GIMAP1: variants seen among roughly 807,000 people sequenced by gnomAD.
GIMAP1 encodes the protein GTPase IMAP family member 1.
For missense variants in GIMAP1, 423 were observed against 411.9 expected, an observed-to-expected ratio of 1.03 and a Z score of -0.23; for synonymous variants, 230 against 187.7, an observed-to-expected ratio of 1.23 and a Z score of -1.84.
Position 150,720,683 on chromosome 7 carries a change from C to G in GIMAP1, c.679C>G (p.Leu227Val). ...CCATTACTCCAACGAGGTGTATGAG[C>G]TGGCGCAGGTGCTGCGCTGGGCAGG... is the stretch of plus-strand genomic sequence containing the variant. The part of the protein sequence containing the change: ...GAHYSNEVYE[L>V]AQVLRWAGPE... The change falls in exon 3 of 3, where the codon CTG (leucine) becomes GTG (valine). Residue 227 changes from leucine (L) to valine (V), a missense_variant. Physicochemically the swap from Leu to Val is conservative, Grantham distance 32. Transcript: ENST00000307194. This position sits in a 1 kb window ranked among gnomAD's most constrained non-coding sequence, Gnocchi z 4.5. The G allele has an allele frequency of 6.3e-7, 1 of 1,596,520 alleles. No homozygotes were observed. The highest frequency in any genetic ancestry group is 8.5e-7 in the Non-Finnish European group (1 of 1,171,374).
rs1797340913 is a variant in GIMAP1, at chr7:150,723,734, A to G, written c.*2809A>G. Reference sequence around the variant, plus strand: ...TCCTGTTGGAAAAACTTGCTTGCTAATTTTAACCAGACACAGTAAAAATAC... The same window carrying G: ...TCCTGTTGGAAAAACTTGCTTGCTAGTTTTAACCAGACACAGTAAAAATAC... On this transcript the variant is annotated 3_prime_UTR_variant, in exon 3 of 3. Coordinates refer to ENST00000307194, the MANE Select transcript of GIMAP1 (RefSeq NM_130759.4). The G allele has an allele frequency of 6.6e-6, 1 of 152,180 alleles. No homozygotes were observed. The highest frequency in any genetic ancestry group is 2.4e-5 in the African/African-American group (1 of 41,440). 9.4% of individuals were successfully genotyped at this position (152,180 alleles called of 1,614,324 possible). A position where few individuals can be genotyped will look rare whatever the true frequency, so the allele number is the denominator to read the frequency against.
In GIMAP1 at chr7:150,720,031, A is replaced by G; in HGVS notation, c.44-17A>G. ...GTTGGTTAAACTTAAGTAAGATTAT[A>G]ACACTTGGTCTCACAGGTTTAGAAG... On this transcript the variant is annotated splice_polypyrimidine_tract_variant and intron_variant, in intron 2 of 2. Coordinates refer to ENST00000307194, the MANE Select transcript of GIMAP1 (RefSeq NM_130759.4). This position sits in a 1 kb window ranked among gnomAD's most constrained non-coding sequence, Gnocchi z 4.5. 1.3e-6 allele frequency: 2 copies of G among 1,547,676 alleles called. No homozygotes were observed. The highest frequency in any genetic ancestry group is 8.7e-7 in the Non-Finnish European group (1 of 1,145,910).
chr7:150,718,559 C>T (rs1186473657), intron 1 of GIMAP1, among the ~76,000 whole-genome samples: 4 of 152,152 alleles, frequency 2.6e-5, no homozygotes, highest in East Asian at 3.9e-4. Context: ...GCTGCTGAAT[C>T]CCCTGATATC....
At chr7:150,716,917 G>A (rs1174268121) in intron 1 of GIMAP1, among the ~76,000 whole-genome samples, 1 of 152,024 alleles carries the variant, frequency 6.6e-6, no homozygotes, top group Non-Finnish European at 1.5e-5. Flanking sequence ...GTTCTTGGTG[G>A]GGAGTGAAAT....
chr7:150,720,007 T>G lies in GIMAP1; in HGVS notation c.44-41T>G, dbSNP rs754167723. The G allele has an allele frequency of 2.0e-5, 30 of 1,509,548 alleles. No homozygotes were observed. The highest frequency in any genetic ancestry group is 2.5e-5 in the Non-Finnish European group (28 of 1,129,598). 93.5% of individuals were successfully genotyped at this position (1,509,548 alleles called of 1,614,324 possible). A position where few individuals can be genotyped will look rare whatever the true frequency, so the allele number is the denominator to read the frequency against. ...GAAGATTCCAGTTCCCAAGGGGAAGTTGGTTAAACTTAAGTAAGATTATAA... is the reference window on the plus strand; with the variant it reads ...GAAGATTCCAGTTCCCAAGGGGAAGGTGGTTAAACTTAAGTAAGATTATAA... On this transcript the variant is annotated intron_variant, in intron 2 of 2. Coordinates refer to ENST00000307194, the MANE Select transcript of GIMAP1 (RefSeq NM_130759.4). The surrounding 1 kb of genome is among the most constrained non-coding windows in gnomAD (Gnocchi z 4.5).
rs781117780 is a variant in GIMAP1 at position 150,720,279 on chromosome 7, C to T, written c.275C>T (p.Ser92Phe). Residue 92 changes from serine to phenylalanine, a missense_variant, in exon 3 of 3, where the codon TCC becomes TTC. Ser to Phe is a radical substitution (Grantham distance 155). Transcript: ENST00000307194. The surrounding 1 kb of genome is among the most constrained non-coding windows in gnomAD (Gnocchi z 4.5). Reference protein sequence around the residue: ...DTPDIFSSQVSKTDPGCEERG... With the variant: ...DTPDIFSSQVFKTDPGCEERG... ...CCGGACATTTTCAGCTCCCAAGTGT[C>T]CAAGACAGATCCTGGCTGTGAGGAG... is the stretch of plus-strand genomic sequence containing the variant. 64 of 1,614,104 alleles carry T rather than the reference C, an allele frequency of 4.0e-5. No homozygotes were observed. The South Asian group carries it at 7.0e-4, about 18-fold the overall frequency.
At chr7:150,717,391 T>C (rs764207546) in intron 1 of GIMAP1, among the ~76,000 whole-genome samples, 1 of 152,210 alleles carries the variant, frequency 6.6e-6, no homozygotes, top group Non-Finnish European at 1.5e-5. Context: ...GAGATGTACA[T>C]TTTTAAAGAA....
chr7:150,717,844 T>C (rs1366804168), intron 1 of GIMAP1, among the ~76,000 whole-genome samples: 2 of 152,182 alleles, frequency 1.3e-5, no homozygotes, highest in African/African-American at 4.8e-5. Context: ...GGAGGGCCAG[T>C]AGAGTTCCTG....
intron 2 of GIMAP1, chr7:150,719,355 A>G (rs138543717): frequency 2.1e-6 from 1 of 476,086 alleles, no homozygotes; most frequent in Admixed American, 3.5e-5. Context: ...AGAAGTGCAG[A>G]GGGGATTAAA....
intron 1 of GIMAP1, among the ~76,000 whole-genome samples, chr7:150,717,699 T>C (rs1797237261): frequency 6.6e-6 from 1 of 152,252 alleles, no homozygotes; most frequent in African/African-American, 2.4e-5. Flanking sequence ...TTGCTTCATC[T>C]AAATTCTTTT....
Position 150,721,040 on chromosome 7 carries a change from T to G in GIMAP1, c.*115T>G. On this transcript the variant is annotated 3_prime_UTR_variant, in exon 3 of 3. Coordinates refer to ENST00000307194, the MANE Select transcript of GIMAP1 (RefSeq NM_130759.4). ...CCTGTAGTTTCAGGCATAGTTTTAA[T>G]GACACAGAAAACTTTGCTGCATCAC... is the stretch of plus-strand genomic sequence containing the variant. The G allele has an allele frequency of 1.9e-6, 2 of 1,058,256 alleles. No individual in the cohort carries two copies. The highest frequency in any genetic ancestry group is 2.6e-6 in the Non-Finnish European group (2 of 782,102). The allele number at this position is 1,058,256 out of a possible 1,614,324, so 65.6% of individuals were successfully genotyped here. A position where few individuals can be genotyped will look rare whatever the true frequency, so the allele number is the denominator to read the frequency against.
rs745332223 is a variant in GIMAP1, at chr7:150,720,623, A to T, written c.619A>T (p.Met207Leu). The T allele has an allele frequency of 4.3e-6, 7 of 1,613,220 alleles. No homozygotes were observed. In the South Asian group the frequency reaches 7.7e-5, roughly 18 times the overall value. Residue 207 changes from methionine to leucine, a missense_variant, in exon 3 of 3, where the codon ATG (methionine) becomes TTG (leucine). By Grantham distance (15) the Met-to-Leu change is conservative. Coordinates refer to ENST00000307194, the MANE Select transcript of GIMAP1 (RefSeq NM_130759.4). This position sits in a 1 kb window ranked among gnomAD's most constrained non-coding sequence, Gnocchi z 4.5. ...QEAQVEQLLG[M>L]VEGLVLEHKG... ...AGCCCAGGTGGAGCAGCTGCTGGGG[A>T]TGGTCGAGGGCTTGGTGCTGGAGCA...
intron 1 of GIMAP1, among the ~76,000 whole-genome samples, chr7:150,717,009 G>C (rs1336249964): frequency 6.6e-6 from 1 of 151,888 alleles, no homozygotes; most frequent in South Asian, 2.1e-4. Context: ...AGTTTGAAAG[G>C]CATTAAACAT....
rs1797298415 is a variant in GIMAP1, at chr7:150,721,182, T to C, written c.*257T>C. 1 of 374,964 alleles carries C rather than the reference T, an allele frequency of 2.7e-6. No homozygotes were observed. Among genetic ancestry groups the C allele is most frequent in the Admixed American group, 4.4e-5 (1 of 22,614 alleles). The allele number at this position is 374,964 out of a possible 1,614,324, so 23.2% of individuals were successfully genotyped here. ...TAACAATAACTTCCTTTGGTAGTTT[T>C]GGTAGTCTAATGTCAAGTAGCTTGT... is the stretch of plus-strand genomic sequence containing the variant. On this transcript the variant is annotated 3_prime_UTR_variant, in exon 3 of 3. Transcript: ENST00000307194.
intron 2 of GIMAP1, 182 bp downstream of exon 2, chr7:150,719,272 T>C: frequency 2.9e-6 from 2 of 682,310 alleles, no homozygotes; most frequent in Non-Finnish European, 4.9e-6. Flanking sequence ...AGAAGTTAAG[T>C]TCTGTGACTA....
chr7:150,719,660 C>T (rs1039975898), intron 2 of GIMAP1: 16 of 178,872 alleles, frequency 8.9e-5, no homozygotes, highest in East Asian at 1.5e-4. Flanking sequence ...TGATTCAAAC[C>T]AGGGTATCTG....
rs6464095 is a variant in GIMAP1, at chr7:150,721,582, A to G, written c.*657A>G. The G allele has an allele frequency of 0.33, 50,499 of 152,032 alleles. 11,011 individuals are homozygous for G. Among genetic ancestry groups the G allele is most frequent in the African/African-American group, 0.63 (25,991 of 41,428 alleles). The allele number at this position is 152,032 out of a possible 1,614,324, so 9.4% of individuals were successfully genotyped here. On this transcript the variant is annotated 3_prime_UTR_variant, in exon 3 of 3. Coordinates refer to ENST00000307194, the MANE Select transcript of GIMAP1 (RefSeq NM_130759.4). The stretch of plus-strand genomic sequence containing the variant: ...TCCCAACACTTTGGGAGGTCGAGGC[A>G]GGTGGATCACCTGAGGTCAGGAGTT...
Position 150,720,851 on chromosome 7 carries a change from G to T in GIMAP1, c.847G>T (p.Gly283Trp). 6.2e-7 allele frequency: 1 copy of T among 1,606,114 alleles called. No individual in the cohort carries two copies. The highest frequency in any genetic ancestry group is 8.5e-7 in the Non-Finnish European group (1 of 1,178,814). ...GAGGCTGGGCCTGGCCCTGCTGCTG[G>T]GGGGCGCGCTCCTGTTCTGGGTGCT... ...SWRLGLALLL[G>W]GALLFWVLLH... Residue 283 changes from glycine (G) to tryptophan (W), a missense_variant, in exon 3 of 3, where the codon GGG becomes TGG. By Grantham distance (184) the Gly-to-Trp change is radical. Coordinates refer to ENST00000307194, the MANE Select transcript of GIMAP1 (RefSeq NM_130759.4). The surrounding 1 kb of genome is among the most constrained non-coding windows in gnomAD (Gnocchi z 4.5).
chr7:150,720,922 C>T lies in GIMAP1; in HGVS notation c.918C>T (p.Asp306=). 1 of 1,551,514 alleles carries T rather than the reference C, an allele frequency of 6.4e-7. No individual in the cohort carries two copies. Among genetic ancestry groups the T allele is most frequent in the South Asian group, 1.2e-5 (1 of 83,592 alleles). Reference sequence around the variant, plus strand: ...AGGCCGTTGCGGAGGTCGGGCCTGACTGACAGCGCAGGTCCTAAAACTGAA... The same window carrying T: ...AGGCCGTTGCGGAGGTCGGGCCTGATTGACAGCGCAGGTCCTAAAACTGAA... ...WSEAVAEVGP[D] Residue 306 remains aspartate, a synonymous_variant, in exon 3 of 3, where the codon GAC becomes GAT. Transcript: ENST00000307194. The surrounding 1 kb of genome is among the most constrained non-coding windows in gnomAD (Gnocchi z 4.5).
Sources: allele counts gnomAD v4.1 joint callset (sites outside exome capture counted in the v4.1 genomes callset), GRCh38; gene constraint gnomAD v4.1.1; non-coding constraint Gnocchi (gnomAD v3.1); transcripts MANE v1.5; gene names NCBI Gene and HGNC (gene_info 2026-07-23, HGNC 2026-07-21).